Variants in DNAH17 observed in about 807,000 individuals in gnomAD.
DNAH17 encodes the protein dynein axonemal heavy chain 17, also known as axonemal beta dynein heavy chain 17.
In DNAH17, 376 loss-of-function variants were observed where a neutral mutation model predicts 485.6. The ratio of observed to expected loss-of-function variants is 0.77; its 90% CI spans 0.71 to 0.84. The LOEUF (loss-of-function observed/expected upper bound fraction) is 0.84, where lower values mean the gene tolerates loss of function less well. Ranked by LOEUF, DNAH17 falls within the 40% of genes least tolerant of loss-of-function variation. The pLI is 0.00. For synonymous variants in DNAH17, 3,031 were observed against 2,405.9 expected, an observed-to-expected ratio of 1.26 and a Z score of -7.60; for missense variants, 6,370 against 5,839.3, an observed-to-expected ratio of 1.09 and a Z score of -2.96.
At position 78,466,306 on chromosome 17, in the gene DNAH17, G is replaced by A. The variant is rs529594702; in HGVS notation, c.8940+349C>T. ...ACACAAACACTGCCGAAGGCCGGAA[G>A]GCCTCAGGGTCCTCTGCCTAGGAAA... On this transcript the variant is annotated intron_variant, in intron 56 of 80. Transcript: ENST00000389840. Among the ~76,000 whole-genome samples, 24 of 152,298 alleles carry A rather than the reference G, an allele frequency of 1.6e-4. 1 individual carries two copies. In the South Asian group the frequency reaches 4.8e-3, roughly 30 times the overall value.
At position 78,572,944 on chromosome 17, in the gene DNAH17, G is replaced by T. The variant is rs112640076; in HGVS notation, c.346-50C>A. On this transcript the variant is annotated intron_variant, in intron 2 of 80. Transcript: ENST00000389840. ...CCGCCCCCTGTGCCTTCACCAGCTC[G>T]GCAACCGCACAGAGCCAGGTCCCCG... The T allele has an allele frequency of 1.5e-3, 2,328 of 1,551,292 alleles. 33 individuals carry two copies. The African/African-American group carries it at 0.025, about 17-fold the overall frequency.
intron 21 of DNAH17, 103 bp from the exon 22 acceptor site, chr17:78,529,797 G>A (rs1479591299): frequency 1.8e-5 from 21 of 1,190,188 alleles, no homozygotes; most frequent in Non-Finnish European, 2.5e-5. Flanking sequence ...GAGGTCAACT[G>A]GCCATCACTG....
Position 78,485,938 on chromosome 17 carries a change from G to A in DNAH17, c.7275+22C>T. 5 of 1,607,952 alleles carry A rather than the reference G, an allele frequency of 3.1e-6. No individual in the cohort carries two copies. In the South Asian group the frequency reaches 4.4e-5, roughly 14 times the overall value. On this transcript the variant is annotated intron_variant, in intron 46 of 80. Coordinates refer to ENST00000389840, the MANE Select transcript of DNAH17 (RefSeq NM_173628.4). ...CCTGCCTCTAAATCACCAGTCGGTG[G>A]CCCTGCTTTGGGGACAGTTACCTGC...
At chr17:78,571,120 T>C (rs966887211) in intron 5 of DNAH17, 87 bp from the exon 6 acceptor site, 27 of 1,352,736 alleles carry the variant, frequency 2.0e-5, no homozygotes, top group African/African-American at 1.5e-4. Flanking sequence ...TGCTGAGACC[T>C]GCTCCTTCAG....
intron 54 of DNAH17, among the ~76,000 whole-genome samples, chr17:78,471,940 CCTGGCCCCAGGG>C (rs2088771900): frequency 6.6e-6 from 1 of 152,204 alleles, no homozygotes; most frequent in Non-Finnish European, 1.5e-5. Context: ...CTCCTCCGGG[CCTGGCCCCAGGG>C]CAGTTCTCCC....
At chr17:78,511,195 C>T (rs558149321) in intron 26 of DNAH17, among the ~76,000 whole-genome samples, 2 of 152,368 alleles carry the variant, frequency 1.3e-5, no homozygotes, top group South Asian at 4.1e-4. Context: ...GGAACCTCCA[C>T]CTCCCGGGTT....
chr17:78,461,738 G>T (rs754436858), intron 57 of DNAH17, 30 bp from the exon 58 acceptor site: 1 of 1,594,708 alleles, frequency 6.3e-7, no homozygotes, highest in South Asian at 1.1e-5. Context: ...GAAACAGCAA[G>T]TGTGGGCCGC....
chr17:78,481,744 G>A (rs563268392), intron 48 of DNAH17, among the ~76,000 whole-genome samples: 1 of 152,332 alleles, frequency 6.6e-6, no homozygotes, highest in South Asian at 2.1e-4. Flanking sequence ...GCCAGGCACA[G>A]TGGCTCATGC....
In DNAH17 at chr17:78,441,088, G is replaced by A. The variant is rs749706388; in HGVS notation, c.11640C>T (p.Ser3880=). The A allele has an allele frequency of 1.1e-5, 17 of 1,611,150 alleles. No individual in the cohort carries two copies. The highest frequency in any genetic ancestry group is 1.4e-5 in the Non-Finnish European group (17 of 1,178,706). The change falls in exon 72 of 81, where the codon TCC becomes TCT. Residue 3880 remains serine (S), a synonymous_variant. Transcript: ENST00000389840. ...SPSTSIFFIL[S]PGVDPLKDVE... Reference sequence around the variant, plus strand: ...CGTCTTTCAAGGGGTCAACCCCCGGGGAGAGGATGAAGAAGATTGACGTGG... The same window carrying A: ...CGTCTTTCAAGGGGTCAACCCCCGGAGAGAGGATGAAGAAGATTGACGTGG...
In DNAH17 at chr17:78,450,690, C is replaced by T. The variant is rs140355745; in HGVS notation, c.10891G>A (p.Glu3631Lys). The T allele has an allele frequency of 1.4e-5, 23 of 1,612,662 alleles. No individual in the cohort carries two copies. The highest frequency in any genetic ancestry group is 4.0e-5 in the African/African-American group (3 of 74,908). ...ACCGAGGCAGCTCTGACCTTCTCCT[C>T]GATCTCGCTGGCTGTGTGCTTGGTG... Reference protein sequence around the residue: ...ETTKHTASEIEEKVVEAKITE... With the variant: ...ETTKHTASEIKEKVVEAKITE... Residue 3631 changes from glutamate (E) to lysine (K), a missense_variant, in exon 67 of 81, where the codon GAG becomes AAG. Physicochemically the swap from Glu to Lys is moderately conservative, Grantham distance 56 (BLOSUM62 1). Coordinates refer to ENST00000389840, the MANE Select transcript of DNAH17 (RefSeq NM_173628.4).
At chr17:78,544,090 C>T (rs746396261) in intron 16 of DNAH17, 93 bp from the exon 17 acceptor site, 188 of 1,556,102 alleles carry the variant, frequency 1.2e-4, no homozygotes, top group Non-Finnish European at 1.6e-4. Context: ...TGAGTTTCGT[C>T]ACTGCTGCCT....
At position 78,571,765 on chromosome 17, in the gene DNAH17, T is replaced by C. The variant is rs759519288; in HGVS notation, c.557A>G (p.Asp186Gly). 1 of 1,596,846 alleles carries C rather than the reference T, an allele frequency of 6.3e-7. No individual in the cohort carries two copies. The highest frequency in any genetic ancestry group is 1.1e-5 in the South Asian group (1 of 87,548). Residue 186 changes from aspartate to glycine, a missense_variant, in exon 4 of 81, where the codon GAC (aspartate) becomes GGC (glycine). Physicochemically the swap from Asp to Gly is moderately conservative, Grantham distance 94. Coordinates refer to ENST00000389840, the MANE Select transcript of DNAH17 (RefSeq NM_173628.4). Reference protein sequence around the residue: ...ESMERIPSSLDNLLLHAIETT... With the variant: ...ESMERIPSSLGNLLLHAIETT... ...TTCAATGGCGTGCAGGAGCAAGTTG[T>C]CCAGTGAAGAGGGGATCCTGCCCAG... is the stretch of plus-strand genomic sequence containing the variant.
chr17:78,525,414 T>C (rs1455836008), intron 24 of DNAH17, among the ~76,000 whole-genome samples: 1 of 152,248 alleles, frequency 6.6e-6, no homozygotes, highest in African/African-American at 2.4e-5. Flanking sequence ...CCAATGGGCA[T>C]GGTAAATGCC....
At position 78,429,167 on chromosome 17, in the gene DNAH17, A is replaced by G; in HGVS notation, c.12359T>C (p.Val4120Ala). 1 of 1,613,648 alleles carries G rather than the reference A, an allele frequency of 6.2e-7. No individual in the cohort carries two copies. Among genetic ancestry groups the G allele is most frequent in the South Asian group, 1.1e-5 (1 of 91,076 alleles). The change falls in exon 76 of 81, where the codon GTC becomes GCC. Residue 4120 changes from valine (V) to alanine (A), a missense_variant. Transcript: ENST00000389840. ...YIRTEMLEGD[V>A]LLAPGFQIPP... ...GATCTGAAAGCCGGGGGCCAGCAGGACGTCTCCCTCCAGCATCTCCGTCCG... is the reference window on the plus strand; with the variant it reads ...GATCTGAAAGCCGGGGGCCAGCAGGGCGTCTCCCTCCAGCATCTCCGTCCG...
chr17:78,506,766 G>C lies in DNAH17; in HGVS notation c.4757C>G (p.Ser1586Trp), dbSNP rs763860101. ...LAFPRFYFVS[S>W]ADLLDILSNG... is the part of the protein sequence containing the mutation. ...GGAGAGAATGTCCAGGAGGTCAGCCGAGGAGACAAAATAGAACCGGGGGAA... is the reference window on the plus strand; with the variant it reads ...GGAGAGAATGTCCAGGAGGTCAGCCCAGGAGACAAAATAGAACCGGGGGAA... The change falls in exon 30 of 81, where the codon TCG becomes TGG. Residue 1586 changes from serine (S) to tryptophan (W), a missense_variant. Ser to Trp is a radical substitution (Grantham distance 177). Coordinates refer to ENST00000389840, the MANE Select transcript of DNAH17 (RefSeq NM_173628.4). The C allele has an allele frequency of 1.1e-5, 17 of 1,613,980 alleles. No individual in the cohort carries two copies. In the South Asian group the frequency reaches 1.4e-4, roughly 14 times the overall value.
At position 78,462,836 on chromosome 17, in the gene DNAH17, T is replaced by C. The variant is rs558191049; in HGVS notation, c.9174+8A>G. ...CACAGGAGCTGGCAGCCAGCCCCCC[T>C]CTCCTACCTGGGAAGCCGTGCTCTG... On this transcript the variant is annotated splice_region_variant and intron_variant, in intron 57 of 80. Transcript: ENST00000389840. 3.5e-5 allele frequency: 56 copies of C among 1,613,646 alleles called. No homozygotes were observed. In the African/African-American group the frequency reaches 6.1e-4, roughly 18 times the overall value.
intron 16 of DNAH17, among the ~76,000 whole-genome samples, chr17:78,546,601 C>G (rs373485038): frequency 6.6e-6 from 1 of 152,152 alleles, no homozygotes; most frequent in African/African-American, 2.4e-5. Context: ...AAATGTTTCT[C>G]TAATTTTGGA....
Position 78,501,169 on chromosome 17 carries a change from A to G in DNAH17, c.5483+15T>C. On this transcript the variant is annotated intron_variant, in intron 35 of 80. Coordinates refer to ENST00000389840, the MANE Select transcript of DNAH17 (RefSeq NM_173628.4). ...CACCAAGAGCACATGTGAGTTACTC[A>G]GGGACGGGCCTCACCTGTCAGTGAG... 2 of 1,563,422 alleles carry G rather than the reference A, an allele frequency of 1.3e-6. No individual in the cohort carries two copies. Among genetic ancestry groups the G allele is most frequent in the Non-Finnish European group, 1.7e-6 (2 of 1,145,018 alleles).
chr17:78,428,531 C>T lies in DNAH17; in HGVS notation c.12582G>A (p.Glu4194=). 2 of 1,604,264 alleles carry T rather than the reference C, an allele frequency of 1.2e-6. No homozygotes were observed. Among genetic ancestry groups the T allele is most frequent in the South Asian group, 1.1e-5 (1 of 89,302 alleles). The part of the protein sequence containing the change: ...DSGAGTGVSR[E]EKVKAVLDDI... ...GCAGTTTCAAAGATCCTGCCTTCTC[C>T]TCGCGGGACACTCCCGTGCCTGCCC... Residue 4194 remains glutamate (E), a synonymous_variant, in exon 77 of 81, where the codon GAG becomes GAA. Transcript: ENST00000389840.
Sources: allele counts gnomAD v4.1 joint callset (sites outside exome capture counted in the v4.1 genomes callset), GRCh38; gene constraint gnomAD v4.1.1; transcripts MANE v1.5; gene names NCBI Gene and HGNC (gene_info 2026-07-23, HGNC 2026-07-21).